Variants in ADGRL3 observed in about 807,000 individuals in gnomAD.
ADGRL3 encodes the protein calcium-independent alpha-latrotoxin receptor 3.
Under a neutral mutation model 153.5 loss-of-function variants are expected in ADGRL3, and 62 were observed. The ratio of observed to expected loss-of-function variants is 0.40; its 90% confidence interval spans 0.33 to 0.50. The LOEUF (loss-of-function observed/expected upper bound fraction) is 0.50. ADGRL3 is among the 20% of genes least tolerant of loss of function. The pLI is 0.47. For synonymous variants in ADGRL3, 710 were observed against 672.5 expected (o/e 1.06, Z -0.86); for missense variants, 1,641 against 1,859.4 (o/e 0.88, Z 2.16).
chr4:61,759,560 T>C (rs2096883677), intron 8 of ADGRL3, among the ~76,000 whole-genome samples: 1 of 152,196 alleles, frequency 6.6e-6, no homozygotes, highest in South Asian at 2.1e-4. Flanking sequence ...GTTATTCTAG[T>C]TAGCCATTCG....
At chr4:61,526,667 T>C (rs2098562625) in intron 4 of ADGRL3, among the ~76,000 whole-genome samples, 2 of 151,972 alleles carry the variant, frequency 1.3e-5, no homozygotes, top group African/African-American at 2.4e-5. Flanking sequence ...TCCCAGGTAA[T>C]CAAGAGTCTG....
chr4:61,912,564 T>C (rs569713485), intron 12 of ADGRL3, among the ~76,000 whole-genome samples, 155 bp from the exon 13 acceptor site: 1 of 152,324 alleles, frequency 6.6e-6, no homozygotes, highest in South Asian at 2.1e-4. Flanking sequence ...CTTGCTTACA[T>C]TTTGCTGCTG....
At chr4:61,598,257 A>G (rs17081925) in intron 5 of ADGRL3, among the ~76,000 whole-genome samples, 7,701 of 152,228 alleles carry the variant, frequency 0.051, 600 homozygotes, top group African/African-American at 0.17. Context: ...AGCAGCACAA[A>G]CCGACATGGA....
chr4:61,378,941 G>T (rs1327842447), intron 1 of ADGRL3, among the ~76,000 whole-genome samples: 1 of 151,998 alleles, frequency 6.6e-6, no homozygotes, highest in Middle Eastern at 3.4e-3. Context: ...TTGGACTTTT[G>T]CCTTTAAAGT....
At chr4:61,799,269 T>C (rs1277692106) in intron 8 of ADGRL3, among the ~76,000 whole-genome samples, 1 of 151,898 alleles carries the variant, frequency 6.6e-6, no homozygotes, top group Non-Finnish European at 1.5e-5. Context: ...GTTCCTTTAC[T>C]ATTCACAATA....
intron 5 of ADGRL3, among the ~76,000 whole-genome samples, chr4:61,670,013 A>G (rs2094937104): frequency 6.6e-6 from 1 of 152,196 alleles, no homozygotes; most frequent in Admixed American, 6.5e-5. Context: ...AAATTATTTT[A>G]GGCTGGGTGC....
intron 2 of ADGRL3, among the ~76,000 whole-genome samples, chr4:61,416,593 T>G (rs74397533): frequency 0.03 from 4,633 of 152,260 alleles, 226 homozygotes; most frequent in East Asian, 0.21. Flanking sequence ...TTATAACAAT[T>G]TAATATTTGT....
At chr4:61,873,099 A>G (rs933440634) in intron 9 of ADGRL3, among the ~76,000 whole-genome samples, 2 of 152,214 alleles carry the variant, frequency 1.3e-5, no homozygotes, top group Non-Finnish European at 2.9e-5. Context: ...GTTTAACTTG[A>G]GAACGCATCT....
chr4:61,808,100 T>G (rs984017314), intron 8 of ADGRL3, among the ~76,000 whole-genome samples: 7 of 152,094 alleles, frequency 4.6e-5, no homozygotes, highest in South Asian at 2.1e-4. Flanking sequence ...GTACTGATTG[T>G]CCATTACTTT....
intron 9 of ADGRL3, among the ~76,000 whole-genome samples, chr4:61,868,471 G>T: frequency 6.6e-6 from 1 of 152,028 alleles, no homozygotes; most frequent in Admixed American, 6.5e-5. Flanking sequence ...CCCAGTTATG[G>T]ATTTCCAAAT....
chr4:61,326,792 A>G (rs1415747476), intron 1 of ADGRL3, among the ~76,000 whole-genome samples: 3 of 152,074 alleles, frequency 2.0e-5, no homozygotes, highest in Admixed American at 6.6e-5. Context: ...AAATTGAACT[A>G]TGCATCTCTT....
chr4:61,911,598 AT>A (rs1560364238), intron 12 of ADGRL3, among the ~76,000 whole-genome samples: 1 of 152,118 alleles, frequency 6.6e-6, no homozygotes, highest in African/African-American at 2.4e-5. Flanking sequence ...CGTGCTCTGT[AT>A]TGAAATTCTG....
At chr4:61,894,036 T>C (rs2149623517) in intron 10 of ADGRL3, among the ~76,000 whole-genome samples, 1 of 152,204 alleles carries the variant, frequency 6.6e-6, no homozygotes, top group East Asian at 1.9e-4. Context: ...ATTACTGATA[T>C]CATTCATAAT....
Position 61,676,886 on chromosome 4 carries a change from T to C in ADGRL3, c.534T>C (p.Cys178=). Residue 178 remains cysteine (C), a synonymous_variant, in exon 6 of 27, where the codon TGT becomes TGC. Transcript: ENST00000683033. The stretch of plus-strand genomic sequence containing the variant: ...GTCCTGATGTTTTTCCAGACCCGTG[T>C]CCAGGAACCTATAAATACCTTGAAG... The part of the protein sequence containing the change: ...VAGPDVFPDP[C]PGTYKYLEVQ... 1.9e-6 allele frequency: 3 copies of C among 1,612,234 alleles called. No homozygotes were observed. The highest frequency in any genetic ancestry group is 2.5e-6 in the Non-Finnish European group (3 of 1,178,650).
chr4:62,052,197 A>G (rs1430051832), intron 25 of ADGRL3, among the ~76,000 whole-genome samples: 2 of 151,680 alleles, frequency 1.3e-5, no homozygotes, highest in African/African-American at 4.8e-5. Flanking sequence ...ACAAAGCCCT[A>G]TACAGGATAA....
rs566789616 is a variant in ADGRL3 at position 61,224,306 on chromosome 4, G to A, written c.-240+22541G>A. Among the ~76,000 whole-genome samples, 48 of 152,090 alleles carry A rather than the reference G, an allele frequency of 3.2e-4. 2 individuals are homozygous for A. The South Asian group carries it at 6.6e-3, about 21-fold the overall frequency. ...TATCTTAATTTGGGTCTTTATTGCC[G>A]TTAAATATATGTTGTTTCAATGTGG... On this transcript the variant is annotated intron_variant, in intron 1 of 26. Transcript: ENST00000683033.
chr4:61,964,880 A>T (rs2099000412), intron 17 of ADGRL3, among the ~76,000 whole-genome samples: 1 of 152,118 alleles, frequency 6.6e-6, no homozygotes, highest in East Asian at 1.9e-4. Flanking sequence ...AAATATTTTC[A>T]ATTGTGTATA....
intron 1 of ADGRL3, among the ~76,000 whole-genome samples, chr4:61,210,602 A>G (rs1388739198): frequency 6.6e-6 from 1 of 152,216 alleles, no homozygotes; most frequent in Non-Finnish European, 1.5e-5. Flanking sequence ...AATAAAAGGA[A>G]ATGGTTCTGA....
chr4:61,973,751 G>C (rs1469395063), intron 17 of ADGRL3, among the ~76,000 whole-genome samples: 1 of 151,450 alleles, frequency 6.6e-6, no homozygotes, highest in African/African-American at 2.4e-5. Context: ...CTAGTCTATG[G>C]TACAGACCCT....
Sources: gnomAD v4.1 joint callset for allele counts (sites outside exome capture counted in the v4.1 genomes callset) on GRCh38, gnomAD v4.1.1 for gene constraint, MANE v1.5 for transcripts, NCBI Gene and HGNC (gene_info 2026-07-23, HGNC 2026-07-21) for gene names.